Variants in SGTA observed in about 807,000 individuals in gnomAD.
The protein encoded by SGTA is small glutamine-rich tetratricopeptide repeat-containing protein alpha.
Under a neutral mutation model 44.3 loss-of-function variants are expected in SGTA, and 22 were observed. That is an observed-to-expected ratio of 0.50 (90% CI 0.36 to 0.71). The LOEUF (loss-of-function observed/expected upper bound fraction) is 0.71, where lower values mean the gene tolerates loss of function less well. Among genes scored for constraint, SGTA ranks in the 30% least tolerant of loss-of-function variants. The pLI is 0.00. For synonymous variants in SGTA, 174 were observed against 177.6 expected (o/e 0.98, Z 0.16); for missense variants, 341 against 435.9 (o/e 0.78, Z 1.94).
At chr19:2,769,785 G>GGACACCCGCCTGGTTCCCCCACCT (rs1915249960) in intron 1 of SGTA, among the ~76,000 whole-genome samples, 1 of 55,612 alleles carries the variant, frequency 1.8e-5, no homozygotes, top group Non-Finnish European at 3.7e-5. Flanking sequence ...TGCCCCCCTC[G>GGACACCCGCCTGGTTCCCCCACCT]GACACCCGCC....
At chr19:2,772,256 G>A (rs10410953) in intron 1 of SGTA, among the ~76,000 whole-genome samples, 3,089 of 152,338 alleles carry the variant, frequency 0.02, 111 homozygotes, top group African/African-American at 0.071. Context: ...CGGGATGGAC[G>A]AGGAAGGGCG....
chr19:2,772,616 A>G (rs1229133696), intron 1 of SGTA, among the ~76,000 whole-genome samples: 2 of 152,256 alleles, frequency 1.3e-5, no homozygotes, highest in African/African-American at 2.4e-5. Context: ...TCACCTGGAA[A>G]TAAGATCTTG....
At position 2,755,567 on chromosome 19, in the gene SGTA, T is replaced by C. The variant is rs1243814374; in HGVS notation, c.*373A>G. 12 of 985,750 alleles carry C rather than the reference T, an allele frequency of 1.2e-5. No individual in the cohort carries two copies. The highest frequency in any genetic ancestry group is 1.3e-5 in the Non-Finnish European group (11 of 830,138). The allele number at this position is 985,750 out of a possible 1,614,324, so 61.1% of individuals were successfully genotyped here. ...TGGGGGGCGGGGGCTGTAAAAGGCT[T>C]TGGAAGCCACACGATCCGCCACACG... On this transcript the variant is annotated 3_prime_UTR_variant, in exon 12 of 12. Coordinates refer to ENST00000221566, the MANE Select transcript of SGTA (RefSeq NM_003021.4). This position sits in a 1 kb window ranked among gnomAD's most constrained non-coding sequence, Gnocchi z 5.2.
Position 2,761,725 on chromosome 19 carries a change from C to T in SGTA, c.637-203G>A, listed in dbSNP as rs1209748169. ...AGTCTGTCATCCCGTGTTTATTCCC[C>T]GCACAGCGCGACCGCCCGGGGACGG... On this transcript the variant is annotated intron_variant, in intron 7 of 11. Transcript: ENST00000221566. The surrounding 1 kb of genome is among the most constrained non-coding windows in gnomAD (Gnocchi z 5.7). Among the ~76,000 whole-genome samples the T allele has an allele frequency of 2.7e-5, 4 of 146,034 alleles. No homozygotes were observed. Among genetic ancestry groups the T allele is most frequent in the Admixed American group, 1.4e-4 (2 of 14,714 alleles).
intron 1 of SGTA, among the ~76,000 whole-genome samples, chr19:2,772,811 T>C (rs59804267): frequency 0.26 from 31,709 of 124,306 alleles, 4,264 homozygotes; most frequent in East Asian, 0.55. Flanking sequence ...CAGAGATGGG[T>C]GACGCGGCCA....
intron 4 of SGTA, among the ~76,000 whole-genome samples, chr19:2,766,902 C>T (rs760957723): frequency 7.4e-4 from 113 of 152,046 alleles, no homozygotes; most frequent in Middle Eastern, 6.8e-3. Context: ...CCACAGGGGC[C>T]GCTCCCGACA....
intron 1 of SGTA, among the ~76,000 whole-genome samples, chr19:2,772,782 A>AGGG (rs1228535201): frequency 2.7e-5 from 4 of 146,364 alleles, no homozygotes; most frequent in Admixed American, 6.6e-5. Context: ...ACGCGGCCAC[A>AGGG]CGGCAGGGAC....
chr19:2,757,839 C>T (rs983186706), intron 9 of SGTA, 57 bp from the exon 10 acceptor site: 24 of 1,179,922 alleles, frequency 2.0e-5, no homozygotes, highest in Non-Finnish European at 2.7e-5. Context: ...ACCCCCACTG[C>T]AGGCCCTCGC....
intron 9 of SGTA, among the ~76,000 whole-genome samples, chr19:2,758,234 A>G (rs765531747): frequency 6.6e-6 from 1 of 152,190 alleles, no homozygotes; most frequent in Non-Finnish European, 1.5e-5. Flanking sequence ...CCATGCTTTA[A>G]GATTTGACCG....
chr19:2,779,283 A>G (rs537344313), intron 1 of SGTA, among the ~76,000 whole-genome samples: 1 of 152,242 alleles, frequency 6.6e-6, no homozygotes, highest in Admixed American at 6.5e-5. Context: ...GGACTGCTCA[A>G]CTAAGGGAAG....
chr19:2,767,618 T>C lies in SGTA; in HGVS notation c.169A>G (p.Thr57Ala). The C allele has an allele frequency of 6.2e-7, 1 of 1,613,420 alleles. No individual in the cohort carries two copies. Among genetic ancestry groups the C allele is most frequent in the Non-Finnish European group, 8.5e-7 (1 of 1,179,950 alleles). Residue 57 changes from threonine (T) to alanine (A), a missense_variant, in exon 3 of 12, where the codon ACT (threonine) becomes GCT (alanine). By Grantham distance (58) the Thr-to-Ala change is moderately conservative (BLOSUM62 0). Coordinates refer to ENST00000221566, the MANE Select transcript of SGTA (RefSeq NM_003021.4). This position sits in a 1 kb window ranked among gnomAD's most constrained non-coding sequence, Gnocchi z 7.3. ...VEDSDLALPQ[T>A]LPEIFEAAAT... The stretch of plus-strand genomic sequence containing the variant: ...GCCGCTTCAAATATCTCCGGCAGAG[T>C]CTGAGGGAGCGCAAGGTCACTGTCT...
intron 1 of SGTA, among the ~76,000 whole-genome samples, chr19:2,775,784 G>A (rs1188577099): frequency 6.6e-6 from 1 of 152,212 alleles, no homozygotes; most frequent in African/African-American, 2.4e-5. Flanking sequence ...GCACAACCCT[G>A]TGAAGGCACC....
intron 9 of SGTA, among the ~76,000 whole-genome samples, 197 bp from the exon 10 acceptor site, chr19:2,757,979 C>T (rs1218080201): frequency 1.3e-5 from 2 of 152,218 alleles, no homozygotes; most frequent in African/African-American, 2.4e-5. Context: ...CAGAACACCC[C>T]TCTTTCTTTG....
Position 2,768,990 on chromosome 19 carries a change from C to T in SGTA, c.79G>A (p.Asp27Asn), listed in dbSNP as rs1365771702. ...CTACCTTCCAAGCTCTCCTGAGCAT[C>T]GGACGAGAGGCCCCCGTGCCGGAGC... ...DQLRHGGLSS[D>N]AQESLEVAIQ... The change falls in exon 2 of 12, where the codon GAT becomes AAT. Residue 27 changes from aspartate to asparagine, a missense_variant. Asp to Asn is a conservative substitution (Grantham distance 23). Coordinates refer to ENST00000221566, the MANE Select transcript of SGTA (RefSeq NM_003021.4). The T allele has an allele frequency of 1.9e-6, 3 of 1,613,528 alleles. No homozygotes were observed. The highest frequency in any genetic ancestry group is 2.5e-6 in the Non-Finnish European group (3 of 1,179,776).
rs563256592 is a variant in SGTA, at chr19:2,774,798, T to A, written c.-23-5707A>T. On this transcript the variant is annotated intron_variant, in intron 1 of 11. Transcript: ENST00000221566. ...TACCCGGCCTCCTCCAGGAGGCAAA[T>A]GCTGAGGAAAGCCGTGGATTCTACT... Among the ~76,000 whole-genome samples the A allele has an allele frequency of 2.6e-5, 4 of 152,218 alleles. No homozygotes were observed. In the East Asian group the frequency reaches 7.7e-4, roughly 29 times the overall value.
intron 1 of SGTA, chr19:2,777,908 T>G (rs1454533908): frequency 6.6e-6 from 1 of 150,924 alleles, no homozygotes; most frequent in Non-Finnish European, 1.5e-5. Flanking sequence ...TCCCAGCTAC[T>G]CGGGAGGCTG....
intron 6 of SGTA, among the ~76,000 whole-genome samples, chr19:2,762,875 G>A (rs1915038964): frequency 6.6e-6 from 1 of 152,200 alleles, no homozygotes; most frequent in African/African-American, 2.4e-5. Flanking sequence ...GAGTCCCCAT[G>A]GGGCCACACA....
At chr19:2,758,612 G>A (rs547912279) in intron 9 of SGTA, among the ~76,000 whole-genome samples, 1 of 152,190 alleles carries the variant, frequency 6.6e-6, no homozygotes, top group African/African-American at 2.4e-5. Context: ...GTGACCCTAT[G>A]AGCCAGCGAG....
At chr19:2,774,355 G>C (rs1259705003) in intron 1 of SGTA, among the ~76,000 whole-genome samples, 1 of 152,208 alleles carries the variant, frequency 6.6e-6, no homozygotes, top group African/African-American at 2.4e-5. Context: ...AGTGAAGGGC[G>C]GTGGCCGAGG....
Sources: allele counts gnomAD v4.1 joint callset (sites outside exome capture counted in the v4.1 genomes callset), GRCh38; gene constraint gnomAD v4.1.1; non-coding constraint Gnocchi (gnomAD v3.1); transcripts MANE v1.5; gene names NCBI Gene and HGNC (gene_info 2026-07-23, HGNC 2026-07-21).